NBAS: variants seen among roughly 807,000 people sequenced by gnomAD.
NBAS encodes NAG/BC035112 fusion.
NBAS carries 219 observed loss-of-function variants against 302.5 expected under a neutral mutation model. That is an observed-to-expected ratio of 0.72 (90% CI 0.65 to 0.81). NBAS has a LOEUF of 0.81. Ranked by LOEUF, NBAS falls within the 30% of genes least tolerant of loss-of-function variation. The pLI is 0.00. For synonymous variants in NBAS, 1,118 were observed against 1,021.6 expected, an observed-to-expected ratio of 1.09 and a Z score of -1.80; for missense variants, 2,932 against 2,841.6, an observed-to-expected ratio of 1.03 and a Z score of -0.72.
chr2:15,177,626 G>C (rs996216403), intron 51 of NBAS, among the ~76,000 whole-genome samples: 5 of 152,036 alleles, frequency 3.3e-5, no homozygotes, highest in Admixed American at 2.6e-4. Flanking sequence ...AGTGTACGAG[G>C]GTGGGGAGGA....
intron 44 of NBAS, among the ~76,000 whole-genome samples, chr2:15,250,886 G>A (rs1668334484): frequency 6.6e-6 from 1 of 152,124 alleles, no homozygotes; most frequent in Non-Finnish European, 1.5e-5. Context: ...TCGACCATGT[G>A]GAAAACAGTG....
the NBAS span, among the ~76,000 whole-genome samples, chr2:14,977,803 T>C: frequency 6.6e-6 from 1 of 152,230 alleles, no homozygotes; most frequent in African/African-American, 2.4e-5. Flanking sequence ...AATTAAATGA[T>C]GCTCTCCTCT....
chr2:14,870,374 A>C, the NBAS span, among the ~76,000 whole-genome samples: 1 of 152,232 alleles, frequency 6.6e-6, no homozygotes, highest in African/African-American at 2.4e-5. Context: ...AGAAACTACC[A>C]AGTGCAGAGA....
At chr2:15,345,545 G>A (rs1002344545) in intron 35 of NBAS, among the ~76,000 whole-genome samples, 1 of 152,154 alleles carries the variant, frequency 6.6e-6, no homozygotes, top group African/African-American at 2.4e-5. Flanking sequence ...TCATGGATAG[G>A]AAGAATCAAT....
intron 28 of NBAS, 92 bp from the exon 29 acceptor site, chr2:15,383,409 T>A (rs1675140922): frequency 1.8e-5 from 18 of 1,024,920 alleles, no homozygotes; most frequent in Non-Finnish European, 2.8e-5. Context: ...AAACAAAAAC[T>A]GGTACCACCA....
At chr2:14,869,193 T>C in the NBAS span, among the ~76,000 whole-genome samples, 2 of 152,222 alleles carry the variant, frequency 1.3e-5, no homozygotes, top group Non-Finnish European at 2.9e-5. Context: ...TGCCTCTTTC[T>C]TGCTCTTTGC....
chr2:15,327,974 T>A (rs1672152663), intron 37 of NBAS, 104 bp from the exon 38 acceptor site: 1 of 1,454,684 alleles, frequency 6.9e-7, no homozygotes, highest in Non-Finnish European at 9.6e-7. Flanking sequence ...GTGACTTGAA[T>A]AATAACTGCT....
intron 19 of NBAS, among the ~76,000 whole-genome samples, chr2:15,466,930 C>T (rs1572892679): frequency 1.0e-5 from 1 of 96,356 alleles, no homozygotes; most frequent in East Asian, 2.1e-4. Context: ...GAGTGAGATC[C>T]TATCTCAAAA....
chr2:15,279,233 G>T (rs1158398375), intron 42 of NBAS, among the ~76,000 whole-genome samples: 1 of 152,134 alleles, frequency 6.6e-6, no homozygotes, highest in African/African-American at 2.4e-5. Context: ...TTACTTTCTT[G>T]CTAAGTTAAA....
intron 11 of NBAS, among the ~76,000 whole-genome samples, chr2:15,500,776 C>A (rs1040451080): frequency 3.3e-5 from 5 of 150,890 alleles, no homozygotes; most frequent in African/African-American, 1.2e-4. Context: ...TACAAAAAAT[C>A]AGCCGGGCGT....
At position 15,234,629 on chromosome 2, in the gene NBAS, A is replaced by T. The variant is rs1350354104; in HGVS notation, c.6062T>A (p.Leu2021Gln). The T allele has an allele frequency of 1.9e-6, 3 of 1,614,062 alleles. No homozygotes were observed. The highest frequency in any genetic ancestry group is 2.5e-6 in the Non-Finnish European group (3 of 1,180,008). ...AAGAGGGCCAACTGCCACCTCTAGC[A>T]GCTGCTGAATCATTGCTAGAGGCTG... is the stretch of plus-strand genomic sequence containing the variant. ...DGQPLAMIQQ[L>Q]LEVAVGPLDI... Residue 2021 changes from leucine to glutamine, a missense_variant, in exon 46 of 52, where the codon CTG (leucine) becomes CAG (glutamine). Leu to Gln is a moderately radical substitution (Grantham distance 113, BLOSUM62 -2). Transcript: ENST00000281513.
At chr2:14,886,216 T>C in the NBAS span, among the ~76,000 whole-genome samples, 2 of 152,300 alleles carry the variant, frequency 1.3e-5, no homozygotes, top group African/African-American at 4.8e-5. Context: ...CCTGCCTCTC[T>C]TTCTGTCCTT....
chr2:14,997,675 G>A, the NBAS span, among the ~76,000 whole-genome samples: 51 of 152,192 alleles, frequency 3.4e-4, 1 homozygote, highest in Admixed American at 3.3e-3. Flanking sequence ...AAACAATACA[G>A]TATTGTAAAC....
At chr2:14,940,248 C>T in the NBAS span, among the ~76,000 whole-genome samples, 1 of 152,176 alleles carries the variant, frequency 6.6e-6, no homozygotes, top group Non-Finnish European at 1.5e-5. Context: ...GCCTTAGAGA[C>T]CTGACTGCTG....
chr2:15,113,091 T>C, the NBAS span, among the ~76,000 whole-genome samples: 5,748 of 152,232 alleles, frequency 0.038, 133 homozygotes, highest in East Asian at 0.052. Flanking sequence ...ATTATGTTGA[T>C]GGTGATATTG....
chr2:15,463,141 C>G (rs945718941), intron 19 of NBAS, among the ~76,000 whole-genome samples: 9 of 151,990 alleles, frequency 5.9e-5, no homozygotes, highest in Non-Finnish European at 1.3e-4. Flanking sequence ...GGGCATGGTG[C>G]CATGTATCTG....
the NBAS span, among the ~76,000 whole-genome samples, chr2:15,105,894 G>A: frequency 6.6e-6 from 1 of 152,090 alleles, no homozygotes; most frequent in Admixed American, 6.6e-5. Flanking sequence ...GACTTGTTTG[G>A]AATATAGGAT....
At chr2:15,141,616 T>C in the NBAS span, among the ~76,000 whole-genome samples, 1 of 152,218 alleles carries the variant, frequency 6.6e-6, no homozygotes, top group African/African-American at 2.4e-5. Context: ...CTAGACTCAT[T>C]TTGATACAAA....
chr2:14,862,905 A>C, the NBAS span, among the ~76,000 whole-genome samples: 1 of 152,158 alleles, frequency 6.6e-6, no homozygotes, highest in Non-Finnish European at 1.5e-5. Context: ...ACTCTCTCTG[A>C]GGTTACTGGT....
Sources: gnomAD v4.1 joint callset for allele counts (sites outside exome capture counted in the v4.1 genomes callset) on GRCh38, gnomAD v4.1.1 for gene constraint, MANE v1.5 for transcripts, NCBI Gene and HGNC (gene_info 2026-07-23, HGNC 2026-07-21) for gene names.